The following ZBTB25 variants were observed in gnomAD, a reference collection of about 807,000 sequenced individuals.
ZBTB25 encodes the protein zinc finger and BTB domain containing 25, also known as zinc finger and BTB domain-containing protein 25.
In ZBTB25, 20 loss-of-function variants were observed where a neutral mutation model predicts 34.2. The ratio of observed to expected loss-of-function variants is 0.58; its 90% CI spans 0.41 to 0.85. The LOEUF (loss-of-function observed/expected upper bound fraction) is 0.85. Among genes scored for constraint, ZBTB25 ranks in the 40% least tolerant of loss-of-function variants. The pLI is 0.00. For synonymous variants in ZBTB25, 175 were observed against 186.4 expected (o/e 0.94, Z 0.50); for missense variants, 437 against 521.8 (o/e 0.84, Z 1.58).
chr14:64,498,428 C>A (rs905218906), intron 1 of ZBTB25, among the ~76,000 whole-genome samples: 1 of 151,142 alleles, frequency 6.6e-6, no homozygotes, highest in South Asian at 2.1e-4. Flanking sequence ...TTCTCCCGGA[C>A]TCAGCCTCCT....
rs1210905626 is a variant in ZBTB25, at chr14:64,483,204, T to C, written c.*3719A>G. On this transcript the variant is annotated 3_prime_UTR_variant, in exon 3 of 3. Transcript: ENST00000608382. ...GGTAATCATTATGCAAACTGCACTA[T>C]ACTATTAGGATACTGGCTAACAGTA... is the stretch of plus-strand genomic sequence containing the variant. 1 of 152,196 alleles carries C rather than the reference T, an allele frequency of 6.6e-6. No individual in the cohort carries two copies. Among genetic ancestry groups the C allele is most frequent in the Non-Finnish European group, 1.5e-5 (1 of 68,040 alleles). 9.4% of individuals were successfully genotyped at this position (152,196 alleles called of 1,614,324 possible). A position where few individuals can be genotyped will look rare whatever the true frequency, so the allele number is the denominator to read the frequency against.
intron 2 of ZBTB25, among the ~76,000 whole-genome samples, chr14:64,465,810 C>T (rs1032496923): frequency 2.0e-5 from 3 of 152,220 alleles, no homozygotes; most frequent in African/African-American, 7.2e-5. Flanking sequence ...GGTCTGCCCA[C>T]CTATCCCCTT....
intron 1 of ZBTB25, among the ~76,000 whole-genome samples, chr14:64,498,423 C>T (rs1445190860): frequency 6.6e-6 from 1 of 151,626 alleles, no homozygotes; most frequent in East Asian, 1.9e-4. Flanking sequence ...AGTGCTTCTC[C>T]CGGACTCAGC....
chr14:64,486,205 G>A lies in ZBTB25; in HGVS notation c.*718C>T. On this transcript the variant is annotated 3_prime_UTR_variant, in exon 3 of 3. Transcript: ENST00000608382. ...TAGTCCCAGCTGCTCAGGAGGCTGA[G>A]GCAGGAGAATGGCGTGAACCCGGGA... The A allele has an allele frequency of 1.3e-6, 1 of 785,036 alleles. No individual in the cohort carries two copies. The highest frequency in any genetic ancestry group is 1.5e-6 in the Non-Finnish European group (1 of 650,880). The allele number at this position is 785,036 out of a possible 1,614,324, so 48.6% of individuals were successfully genotyped here.
rs2078858886 is a variant in ZBTB25, at chr14:64,486,238, C to A, written c.*685G>T. 2 of 914,904 alleles carry A rather than the reference C, an allele frequency of 2.2e-6. No homozygotes were observed. The highest frequency in any genetic ancestry group is 6.2e-5 in the Admixed American group (1 of 16,168). 56.7% of individuals were successfully genotyped at this position (914,904 alleles called of 1,614,324 possible). A position where few individuals can be genotyped will look rare whatever the true frequency, so the allele number is the denominator to read the frequency against. On this transcript the variant is annotated 3_prime_UTR_variant, in exon 3 of 3. Transcript: ENST00000608382. Reference sequence around the variant, plus strand: ...AATGGCGTGAACCCGGGAGGCGGAGCTTGCAGTCAGCCGAGATCGCGCCAC... The same window carrying A: ...AATGGCGTGAACCCGGGAGGCGGAGATTGCAGTCAGCCGAGATCGCGCCAC...
At chr14:64,476,395 G>A (rs529219117), downstream of ZBTB25, among the ~76,000 whole-genome samples, 8 of 152,234 alleles carry the variant, frequency 5.3e-5, no homozygotes, top group Non-Finnish European at 8.8e-5. Context: ...GAGTGATCTC[G>A]GCTCACTGCA....
rs906647818 is a variant in ZBTB25 at position 64,481,494 on chromosome 14, G to A, written c.*5429C>T. On this transcript the variant is annotated 3_prime_UTR_variant, in exon 3 of 3. Coordinates refer to ENST00000608382, the MANE Select transcript of ZBTB25 (RefSeq NM_006977.5). The stretch of plus-strand genomic sequence containing the variant: ...GATTTTTCAGTGGGTCTTTTTTATT[G>A]AACAAGTTTTTATAATCTAAGTTTA... The A allele has an allele frequency of 6.6e-6, 1 of 152,144 alleles. No individual in the cohort carries two copies. Among genetic ancestry groups the A allele is most frequent in the African/African-American group, 2.4e-5 (1 of 41,434 alleles). The allele number at this position is 152,144 out of a possible 1,614,324, so 9.4% of individuals were successfully genotyped here.
rs759744076 is a variant in ZBTB25, at chr14:64,453,725, G to T, written c.174-4087C>A. The T allele has an allele frequency of 3.8e-6, 5 of 1,321,342 alleles. No individual in the cohort carries two copies. The African/African-American group carries it at 7.3e-5, about 19-fold the overall frequency. The allele number at this position is 1,321,342 out of a possible 1,614,324, so 81.9% of individuals were successfully genotyped here. A position where few individuals can be genotyped will look rare whatever the true frequency, so the allele number is the denominator to read the frequency against. ...AATGTCCTCACATGTGTCCAGTCAT[G>T]GTGTCCCCATCTCTTTCTTGTGCAT... On this transcript the variant is annotated intron_variant, in intron 2 of 2. Transcript: ENST00000555220.
At chr14:64,474,100 C>CG (rs2078699663), downstream of ZBTB25, 1 of 167,040 alleles carries the variant, frequency 6.0e-6, no homozygotes, top group Non-Finnish European at 1.5e-5. Context: ...CAACAGAAAC[C>CG]GGGTTGGGTT....
rs189760927 is a variant in ZBTB25 at position 64,493,942 on chromosome 14, A to G, written c.-7-3402T>C. Reference sequence around the variant, plus strand: ...ATCTAAGTAGAAATGTTTAGTGATCAGCGGGGACAAGAAGCAGGACAGGGC... The same window carrying G: ...ATCTAAGTAGAAATGTTTAGTGATCGGCGGGGACAAGAAGCAGGACAGGGC... On this transcript the variant is annotated intron_variant, in intron 1 of 2. Transcript: ENST00000608382. Among the ~76,000 whole-genome samples the G allele has an allele frequency of 1.8e-3, 272 of 152,266 alleles. 1 individual carries two copies. Among genetic ancestry groups the G allele is most frequent in the Admixed American group, 4.1e-3 (62 of 15,296 alleles).
intron 2 of ZBTB25, among the ~76,000 whole-genome samples, chr14:64,490,100 CG>C (rs757938990): frequency 1.5e-4 from 22 of 146,640 alleles, no homozygotes; most frequent in Non-Finnish European, 3.0e-4. Flanking sequence ...CCCAGGTACT[CG>C]GGAGGCTGAG....
Position 64,480,271 on chromosome 14 carries a change from C to T in ZBTB25, c.*6652G>A, listed in dbSNP as rs896924790. On this transcript the variant is annotated 3_prime_UTR_variant, in exon 3 of 3. Transcript: ENST00000608382. ...CTGGGATGTGAAGGTTGCAGTGAGC[C>T]GAGATCACTCCACTGTACTCCAGCC... The T allele has an allele frequency of 3.7e-5, 12 of 322,206 alleles. No homozygotes were observed. The highest frequency in any genetic ancestry group is 5.3e-5 in the Non-Finnish European group (9 of 171,200). The allele number at this position is 322,206 out of a possible 1,614,324, so 20.0% of individuals were successfully genotyped here.
At chr14:64,465,115 AG>A (rs1302868170) in intron 2 of ZBTB25, among the ~76,000 whole-genome samples, 3 of 152,126 alleles carry the variant, frequency 2.0e-5, no homozygotes, top group Non-Finnish European at 4.4e-5. Flanking sequence ...AAATATTCTG[AG>A]GGGGAGGAGA....
At chr14:64,463,957 C>A (rs1005638044) in intron 2 of ZBTB25, among the ~76,000 whole-genome samples, 2 of 152,032 alleles carry the variant, frequency 1.3e-5, no homozygotes, top group African/African-American at 4.8e-5. Flanking sequence ...AAACTGGCAA[C>A]AAGCAGCGCT....
intron 2 of ZBTB25, chr14:64,466,984 AAAAAT>A (rs2078618760): frequency 6.6e-6 from 1 of 152,234 alleles, no homozygotes; most frequent in Non-Finnish European, 1.5e-5. Context: ...CCTGAACCAA[AAAAAT>A]AAAATATAAA....
chr14:64,454,580 G>A (rs2057494866), intron 2 of ZBTB25: 1 of 699,906 alleles, frequency 1.4e-6, no homozygotes, highest in Admixed American at 2.4e-5. Flanking sequence ...AAATAAGCTG[G>A]AGGACAGCAA....
At chr14:64,489,424 C>G (rs2078995152) in intron 2 of ZBTB25, among the ~76,000 whole-genome samples, 2 of 152,154 alleles carry the variant, frequency 1.3e-5, no homozygotes, top group African/African-American at 4.8e-5. Context: ...TTAACTCAGT[C>G]TCAGTTTTCT....
upstream of ZBTB25, chr14:64,504,639 G>A (rs965952279): frequency 3.7e-5 from 12 of 325,808 alleles, no homozygotes; most frequent in Non-Finnish European, 6.1e-5. Flanking sequence ...CAGAGTGGGT[G>A]GGCGGGCGAG....
chr14:64,488,117 T>A, intron 2 of ZBTB25, 60 bp from the exon 3 acceptor site: 1 of 1,566,896 alleles, frequency 6.4e-7, no homozygotes, highest in Non-Finnish European at 8.6e-7. Flanking sequence ...GCCTTTCAGT[T>A]AACAGTATAG....
Sources: gnomAD v4.1 joint callset for allele counts (sites outside exome capture counted in the v4.1 genomes callset) on GRCh38, gnomAD v4.1.1 for gene constraint, MANE v1.5 for transcripts, NCBI Gene and HGNC (gene_info 2026-07-23, HGNC 2026-07-21) for gene names.